The following LAMA4 variants were observed in gnomAD, a reference collection of about 807,000 sequenced individuals.
LAMA4 encodes the protein laminin subunit alpha-4.
LAMA4 carries 127 observed loss-of-function variants against 207.1 expected under a neutral mutation model. That is an observed-to-expected ratio of 0.61 (90% confidence interval 0.53 to 0.71). The LOEUF is 0.71. Ranked by LOEUF, LAMA4 falls within the 30% of genes least tolerant of loss-of-function variation. The probability of loss-of-function intolerance (pLI) is 0.00; values close to 1 mark genes in which losing one functional copy is unlikely to be tolerated. For missense variants in LAMA4, 2,093 were observed against 2,246.5 expected, an observed-to-expected ratio of 0.93 and a Z score of 1.38; for synonymous variants, 761 against 816.0, an observed-to-expected ratio of 0.93 and a Z score of 1.15.
chr6:112,114,571 A>C, intron 37 of LAMA4, 92 bp downstream of exon 37: 1 of 853,938 alleles, frequency 1.2e-6, no homozygotes, highest in Admixed American at 1.7e-5. Context: ...ACTGTCATGC[A>C]TTACCTATCA....
chr6:112,178,095 A>G, intron 10 of LAMA4, 26 bp downstream of exon 10: 1 of 1,481,422 alleles, frequency 6.8e-7, no homozygotes, highest in Non-Finnish European at 9.4e-7. Flanking sequence ...TTGATATTAA[A>G]CTGAACCAGA....
At chr6:112,248,317 G>A (rs547964917) in intron 2 of LAMA4, among the ~76,000 whole-genome samples, 1 of 151,870 alleles carries the variant, frequency 6.6e-6, no homozygotes, top group Non-Finnish European at 1.5e-5. Flanking sequence ...TGGCTAACAC[G>A]GTGAAACCCG....
At chr6:112,247,760 G>A (rs1787098157) in intron 2 of LAMA4, among the ~76,000 whole-genome samples, 1 of 152,144 alleles carries the variant, frequency 6.6e-6, no homozygotes, top group Non-Finnish European at 1.5e-5. Context: ...AAAACTGAAA[G>A]CAAGAACTCA....
At chr6:112,167,239 A>G (rs1197380793) in intron 12 of LAMA4, among the ~76,000 whole-genome samples, 3 of 152,218 alleles carry the variant, frequency 2.0e-5, no homozygotes, top group Non-Finnish European at 4.4e-5. Context: ...ATGTAAAATT[A>G]AAACAATTAA....
intron 2 of LAMA4, among the ~76,000 whole-genome samples, chr6:112,227,957 C>T (rs1299983867): frequency 6.6e-6 from 1 of 152,172 alleles, no homozygotes; most frequent in Non-Finnish European, 1.5e-5. Flanking sequence ...AAAAGATCCT[C>T]AAAATAGTGC....
In LAMA4 at chr6:112,142,130, C is replaced by T. The variant is rs1386494109; in HGVS notation, c.2656G>A (p.Gly886Arg). The T allele has an allele frequency of 2.5e-6, 4 of 1,613,864 alleles. No homozygotes were observed. The highest frequency in any genetic ancestry group is 1.7e-5 in the Admixed American group (1 of 59,980). ...ETADQFILYL[G>R]SKNAKKEYMG... Reference sequence around the variant, plus strand: ...ACTCATGTGCTTACGTTTTTGCTTCCGAGGTACAGGATAAACTGATCTGCA... The same window carrying T: ...ACTCATGTGCTTACGTTTTTGCTTCTGAGGTACAGGATAAACTGATCTGCA... Residue 886 changes from glycine to arginine, a missense_variant, in exon 20 of 39, where the codon GGA (glycine) becomes AGA (arginine). Transcript: ENST00000230538.
chr6:112,148,040 T>C lies in LAMA4; in HGVS notation c.2353+117A>G, dbSNP rs1039831301. 8 of 904,994 alleles carry C rather than the reference T, an allele frequency of 8.8e-6. No individual in the cohort carries two copies. In the African/African-American group the frequency reaches 1.2e-4, roughly 13 times the overall value. 56.1% of individuals were successfully genotyped at this position (904,994 alleles called of 1,614,324 possible). ...AAGCTTTTCTTTTTCTAAGCTAACT[T>C]CTATAATTTTCGAATCCAAAACCCA... On this transcript the variant is annotated intron_variant, in intron 18 of 38. Coordinates refer to ENST00000230538, the MANE Select transcript of LAMA4 (RefSeq NM_001105206.3).
intron 5 of LAMA4, among the ~76,000 whole-genome samples, chr6:112,198,198 T>G (rs1179317628): frequency 2.6e-5 from 4 of 152,052 alleles, no homozygotes; most frequent in Non-Finnish European, 5.9e-5. Flanking sequence ...TCTTTTTCAG[T>G]GGGTGGTGAA....
chr6:112,123,136 C>T (rs73532610), intron 31 of LAMA4, among the ~76,000 whole-genome samples: 8,029 of 152,194 alleles, frequency 0.053, 689 homozygotes, highest in African/African-American at 0.18. Flanking sequence ...CATCCTCATC[C>T]TGCTTTCAAA....
rs1554349212 is a variant in LAMA4 at position 112,191,889 on chromosome 6, T to C, written c.504-39A>G. On this transcript the variant is annotated intron_variant, in intron 5 of 38. Transcript: ENST00000230538. ...TCACACATTTAAATATTTAGCATCATGGTTTTTCTTCCTTTTAATCTTCTT... is the reference window on the plus strand; with the variant it reads ...TCACACATTTAAATATTTAGCATCACGGTTTTTCTTCCTTTTAATCTTCTT... The C allele has an allele frequency of 2.8e-6, 4 of 1,440,970 alleles. No individual in the cohort carries two copies. The African/African-American group carries it at 4.2e-5, about 15-fold the overall frequency. The allele number at this position is 1,440,970 out of a possible 1,614,324, so 89.3% of individuals were successfully genotyped here.
At chr6:112,170,441 A>C (rs961461658) in intron 12 of LAMA4, among the ~76,000 whole-genome samples, 1 of 152,168 alleles carries the variant, frequency 6.6e-6, no homozygotes, top group Non-Finnish European at 1.5e-5. Context: ...TTTCTGTCTT[A>C]CTTAAATGCT....
intron 16 of LAMA4, among the ~76,000 whole-genome samples, chr6:112,152,350 T>C (rs1554335938): frequency 1.3e-5 from 2 of 152,112 alleles, no homozygotes; most frequent in African/African-American, 4.8e-5. Flanking sequence ...TACAGTTCTA[T>C]CAGATTTTGT....
chr6:112,159,966 A>C (rs2114803024), intron 13 of LAMA4, among the ~76,000 whole-genome samples: 1 of 151,902 alleles, frequency 6.6e-6, no homozygotes, highest in South Asian at 2.1e-4. Flanking sequence ...ACCCCCATCT[A>C]AGCCTTACGG....
At chr6:112,190,931 CTTT>C (rs1261535729) in intron 6 of LAMA4, among the ~76,000 whole-genome samples, 1,871 of 78,344 alleles carry the variant, frequency 0.024, 19 homozygotes, top group African/African-American at 0.036. Flanking sequence ...TTCTTTCTTT[CTTT>C]CTTTCTTTCT....
intron 3 of LAMA4, among the ~76,000 whole-genome samples, chr6:112,210,633 G>T (rs1554356197): frequency 6.6e-6 from 1 of 152,096 alleles, no homozygotes; most frequent in East Asian, 1.9e-4. Context: ...AGTATGCCCA[G>T]GGAGGTCAAA....
intron 5 of LAMA4, among the ~76,000 whole-genome samples, chr6:112,198,721 G>A (rs1471402159): frequency 1.3e-5 from 2 of 152,134 alleles, no homozygotes; most frequent in African/African-American, 2.4e-5. Flanking sequence ...TAAGGAAACC[G>A]AGACTCAGGG....
chr6:112,192,201 C>T (rs575408142), intron 5 of LAMA4, among the ~76,000 whole-genome samples: 11 of 152,318 alleles, frequency 7.2e-5, no homozygotes, highest in Admixed American at 1.3e-4. Context: ...GTACCTGTAG[C>T]GTACAGCTGG....
At position 112,136,081 on chromosome 6, in the gene LAMA4, A is replaced by G. The variant is rs376528941; in HGVS notation, c.3414+42T>C. ...TGATTAGATCAACAGATCTAAGTAT[A>G]AAGAACAAAAACAAAACCAACCAAA... is the stretch of plus-strand genomic sequence containing the variant. On this transcript the variant is annotated intron_variant, in intron 25 of 38. Transcript: ENST00000230538. 4 of 1,585,716 alleles carry G rather than the reference A, an allele frequency of 2.5e-6. No individual in the cohort carries two copies. The African/African-American group carries it at 4.0e-5, about 16-fold the overall frequency.
chr6:112,134,954 C>A (rs545806912), intron 25 of LAMA4, among the ~76,000 whole-genome samples: 124 of 151,444 alleles, frequency 8.2e-4, no homozygotes, highest in African/African-American at 2.9e-3. Flanking sequence ...TTTAAAAAAA[C>A]AACTTTATTC....
Sources: gnomAD v4.1 joint callset for allele counts (sites outside exome capture counted in the v4.1 genomes callset) on GRCh38, gnomAD v4.1.1 for gene constraint, MANE v1.5 for transcripts, NCBI Gene and HGNC (gene_info 2026-07-23, HGNC 2026-07-21) for gene names.